MS4A6A: variants seen among roughly 807,000 people sequenced by gnomAD.
MS4A6A encodes the protein membrane-spanning 4-domains subfamily A member 6A.
A neutral mutation model predicts 20.6 loss-of-function variants in MS4A6A; 19 were observed. That is an observed-to-expected ratio of 0.92 (90% confidence interval 0.64 to 1.36). The LOEUF (loss-of-function observed/expected upper bound fraction) is 1.36. Ranked by LOEUF, MS4A6A falls within the 40% of genes most tolerant of loss-of-function variation. The pLI is 0.00. For missense variants in MS4A6A, 272 were observed against 261.1 expected (o/e 1.04, Z -0.29); for synonymous variants, 108 against 105.0 (o/e 1.03, Z -0.17).
chr11:60,182,905 A>G (rs1176078956), intron 1 of MS4A6A, 73 bp downstream of exon 1: 2 of 906,782 alleles, frequency 2.2e-6, no homozygotes, highest in Non-Finnish European at 2.9e-6. Flanking sequence ...AGGAGTTTCA[A>G]GTTAAATTAC....
At chr11:60,177,379 G>T (rs1173177488) in intron 4 of MS4A6A, 1 of 152,070 alleles carries the variant, frequency 6.6e-6, no homozygotes, top group Non-Finnish European at 1.5e-5. Context: ...CAATTGCATG[G>T]TATGACATTC....
chr11:60,179,627 A>C (rs1857023433), intron 3 of MS4A6A: 5 of 645,560 alleles, frequency 7.7e-6, no homozygotes, highest in Non-Finnish European at 1.4e-5. Flanking sequence ...TGATCTTCAA[A>C]AGAAATGTTT....
At chr11:60,172,444 G>A, downstream of MS4A6A, 4 of 1,281,800 alleles carry the variant, frequency 3.1e-6, no homozygotes, top group South Asian at 5.5e-5. Flanking sequence ...ATACAATTTT[G>A]GATAAATCAA....
Position 60,175,484 on chromosome 11 carries a change from ATAT to A in MS4A6A, c.464_466del (p.Asn155del). 6.2e-7 allele frequency: 1 copy of A among 1,614,100 alleles called. No homozygotes were observed. Among genetic ancestry groups the A allele is most frequent in the Non-Finnish European group, 8.5e-7 (1 of 1,179,950 alleles). ...GTAAGAAACATAACTTCTTGTTGGT[ATAT>A]TATTTTTGTCCAACTCACACTGCAG... On this transcript the variant is annotated inframe_deletion, in exon 5 of 6. Coordinates refer to ENST00000528851, the MANE Select transcript of MS4A6A (RefSeq NM_022349.4).
chr11:60,179,875 A>C lies in MS4A6A; in HGVS notation c.238T>G (p.Ser80Ala). 2 of 1,614,156 alleles carry C rather than the reference A, an allele frequency of 1.2e-6. No individual in the cohort carries two copies. Among genetic ancestry groups the C allele is most frequent in the South Asian group, 2.2e-5 (2 of 91,082 alleles). ...SFSPNFTQVT[S>A]TLLNSAYPFI... Reference sequence around the variant, plus strand: ...GGGTAAGCAGAGTTCAACAGTGTAGAAGTCACTTGGGTAAAATTTGGAGAG... The same window carrying C: ...GGGTAAGCAGAGTTCAACAGTGTAGCAGTCACTTGGGTAAAATTTGGAGAG... The change falls in exon 3 of 6, where the codon TCT (serine) becomes GCT (alanine). Residue 80 changes from serine to alanine, a missense_variant. Transcript: ENST00000528851.
intron 3 of MS4A6A, chr11:60,179,624 C>T (rs1857023313): frequency 1.6e-6 from 1 of 641,636 alleles, no homozygotes; most frequent in Non-Finnish European, 2.8e-6. Flanking sequence ...AGATGATCTT[C>T]AAAAGAAATG....
intron 4 of MS4A6A, chr11:60,178,018 G>A (rs1032884550): frequency 1.7e-5 from 8 of 468,798 alleles, no homozygotes; most frequent in South Asian, 9.2e-5. Context: ...TACATTCTTC[G>A]GCATGGGCAG....
At chr11:60,181,331 G>A (rs1481307451) in intron 2 of MS4A6A, 2 of 530,612 alleles carry the variant, frequency 3.8e-6, no homozygotes, top group Non-Finnish European at 3.4e-6. Context: ...GAAAAGCACT[G>A]TATTGTAAAA....
At chr11:60,177,727 G>A (rs935613984) in intron 4 of MS4A6A, among the ~76,000 whole-genome samples, 3 of 152,136 alleles carry the variant, frequency 2.0e-5, no homozygotes, top group Admixed American at 2.0e-4. Flanking sequence ...AAGTCCTCAA[G>A]GAAAAGGAAA....
At chr11:60,183,688 A>C (rs1223625474), upstream of MS4A6A, 1 of 152,444 alleles carries the variant, frequency 6.6e-6, no homozygotes, top group African/African-American at 2.4e-5. Context: ...GCTGAAAGCA[A>C]CCTTTCAATA....
At position 60,175,604 on chromosome 11, in the gene MS4A6A, C is replaced by A; in HGVS notation, c.347G>T (p.Ser116Ile). The A allele has an allele frequency of 6.2e-7, 1 of 1,613,194 alleles. No individual in the cohort carries two copies. The highest frequency in any genetic ancestry group is 8.5e-7 in the Non-Finnish European group (1 of 1,179,944). ...EKRLTKLLVH[S>I]SLVGSILSAL... ...ACTCAGAATGCTTCCAACCAGGCTG[C>A]TATGCACCTGAAAGAGAAATGTTGG... Residue 116 changes from serine to isoleucine, a missense_variant, in exon 5 of 6, where the codon AGC becomes ATC. Ser to Ile is a moderately radical substitution (Grantham distance 142). Coordinates refer to ENST00000528851, the MANE Select transcript of MS4A6A (RefSeq NM_022349.4).
At chr11:60,182,913 T>A in intron 1 of MS4A6A, 65 bp downstream of exon 1, 1 of 983,750 alleles carries the variant, frequency 1.0e-6, no homozygotes, top group South Asian at 3.5e-5. Flanking sequence ...CAAGTTAAAT[T>A]ACTCCTCTAA....
chr11:60,174,175 A>G (rs572404326), intron 5 of MS4A6A, among the ~76,000 whole-genome samples: 3 of 152,260 alleles, frequency 2.0e-5, no homozygotes, highest in African/African-American at 7.2e-5. Context: ...TCATTATACC[A>G]TTACCTTGGG....
At chr11:60,181,765 G>A (rs367725309) in intron 1 of MS4A6A, 24 bp from the exon 2 acceptor site, 26 of 1,611,730 alleles carry the variant, frequency 1.6e-5, no homozygotes, top group Non-Finnish European at 2.2e-5. Context: ...AATAGATTTA[G>A]CTCTTAAAAA....
intron 2 of MS4A6A, 197 bp downstream of exon 2, chr11:60,181,384 T>A: frequency 1.6e-6 from 1 of 606,574 alleles, no homozygotes; most frequent in Non-Finnish European, 2.9e-6. Context: ...ATATTCAGAA[T>A]AAGGGAAAAT....
chr11:60,172,096 TG>T (rs1856607450), downstream of MS4A6A: 13 of 1,514,456 alleles, frequency 8.6e-6, no homozygotes, highest in Non-Finnish European at 1.2e-5. Flanking sequence ...TTTTCTATAA[TG>T]GTTAACTTTT....
intron 3 of MS4A6A, among the ~76,000 whole-genome samples, chr11:60,179,079 A>G (rs1228746745): frequency 6.6e-6 from 1 of 152,244 alleles, no homozygotes; most frequent in African/African-American, 2.4e-5. Flanking sequence ...ACTTTAGTTA[A>G]TAAGACAAGA....
At chr11:60,178,021 A>G in intron 4 of MS4A6A, 1 of 485,562 alleles carries the variant, frequency 2.1e-6, no homozygotes, top group Non-Finnish European at 3.6e-6. Context: ...ATTCTTCGGC[A>G]TGGGCAGAGG....
At chr11:60,174,771 CA>C (rs1856751169) in intron 5 of MS4A6A, among the ~76,000 whole-genome samples, 1 of 152,162 alleles carries the variant, frequency 6.6e-6, no homozygotes, top group South Asian at 2.1e-4. Flanking sequence ...CTCCTGCAAT[CA>C]TTCTCAATTA....
Sources: allele counts gnomAD v4.1 joint callset (sites outside exome capture counted in the v4.1 genomes callset), GRCh38; gene constraint gnomAD v4.1.1; transcripts MANE v1.5; gene names NCBI Gene and HGNC (gene_info 2026-07-23, HGNC 2026-07-21).